TRAF3IP1: variants seen among roughly 807,000 people sequenced by gnomAD.
The protein encoded by TRAF3IP1 is TRAF3-interacting protein 1.
TRAF3IP1 carries 53 observed loss-of-function variants against 89.9 expected under a neutral mutation model. The observed-to-expected ratio is 0.59, with a 90% CI of 0.47 to 0.74. The LOEUF is 0.74. Ranked by LOEUF, TRAF3IP1 falls within the 30% of genes least tolerant of loss-of-function variation. The pLI is 0.00. For synonymous variants in TRAF3IP1, 311 were observed against 322.1 expected, an observed-to-expected ratio of 0.97 and a Z score of 0.37; for missense variants, 806 against 866.1, an observed-to-expected ratio of 0.93 and a Z score of 0.87.
Position 238,398,793 on chromosome 2 carries a change from C to G in TRAF3IP1, c.1950C>G (p.Leu650=). ...CCGTGGAGCCCTTAAAGGCTGAGCT[C>G]GCGGAGCTGGAGCAGCTGATCAAAG... ...DCAVEPLKAE[L]AELEQLIKDQ... The change falls in exon 17 of 17, where the codon CTC becomes CTG. Residue 650 remains leucine, a synonymous_variant. Coordinates refer to ENST00000373327, the MANE Select transcript of TRAF3IP1 (RefSeq NM_015650.4). 1 of 1,611,974 alleles carries G rather than the reference C, an allele frequency of 6.2e-7. No individual in the cohort carries two copies. Among genetic ancestry groups the G allele is most frequent in the Non-Finnish European group, 8.5e-7 (1 of 1,179,386 alleles).
intron 15 of TRAF3IP1, among the ~76,000 whole-genome samples, chr2:238,368,301 A>G (rs1699970586): frequency 6.6e-6 from 1 of 152,238 alleles, no homozygotes; most frequent in African/African-American, 2.4e-5. Flanking sequence ...TATAGGGGAT[A>G]TTTTAGAGTA....
chr2:238,378,924 G>A (rs866434632), intron 15 of TRAF3IP1, among the ~76,000 whole-genome samples: 1 of 152,178 alleles, frequency 6.6e-6, no homozygotes, highest in South Asian at 2.1e-4. Flanking sequence ...TTCTGCTCTT[G>A]CCTTCAGGGG....
At chr2:238,344,732 T>C in intron 9 of TRAF3IP1, 134 bp downstream of exon 9, 1 of 763,114 alleles carries the variant, frequency 1.3e-6, no homozygotes, top group Non-Finnish European at 2.3e-6. Flanking sequence ...TTCACAGTGA[T>C]TCACTTCTGC....
At chr2:238,325,464 C>G (rs1382804579) in intron 2 of TRAF3IP1, 90 bp downstream of exon 2, 8 of 1,315,018 alleles carry the variant, frequency 6.1e-6, no homozygotes, top group Non-Finnish European at 8.8e-6. Context: ...TGTCATTTCT[C>G]TGCTGCATGT....
chr2:238,320,923 A>G (rs1188287411), intron 1 of TRAF3IP1, 138 bp downstream of exon 1: 7 of 666,564 alleles, frequency 1.1e-5, no homozygotes, highest in South Asian at 7.1e-5. Flanking sequence ...GCTGGGCCGG[A>G]GTCGGGGCCC....
intron 12 of TRAF3IP1, among the ~76,000 whole-genome samples, chr2:238,350,425 T>G (rs1232924766): frequency 6.6e-6 from 1 of 152,216 alleles, no homozygotes; most frequent in South Asian, 2.1e-4. Context: ...TTTCTGGTAC[T>G]TATTTTTCTC....
intron 15 of TRAF3IP1, among the ~76,000 whole-genome samples, chr2:238,367,822 AG>A (rs1212435438): frequency 1.3e-5 from 2 of 152,212 alleles, no homozygotes; most frequent in African/African-American, 4.8e-5. Context: ...TTCTGACCAC[AG>A]GAGGGAGCAG....
chr2:238,378,655 A>G (rs1203742266), intron 15 of TRAF3IP1, among the ~76,000 whole-genome samples: 2 of 152,164 alleles, frequency 1.3e-5, no homozygotes, highest in Non-Finnish European at 2.9e-5. Flanking sequence ...TTTAGAATCA[A>G]GGTTATGTCC....
In TRAF3IP1 at chr2:238,344,820, T is replaced by G. The variant is rs940054708; in HGVS notation, c.1261+222T>G. On this transcript the variant is annotated intron_variant, in intron 9 of 16. Coordinates refer to ENST00000373327, the MANE Select transcript of TRAF3IP1 (RefSeq NM_015650.4). Reference sequence around the variant, plus strand: ...CACTCGTGTGCTCCCCCGTGCTCTGTAAGTGAGAGGAGGTGGCATGTTTCA... The same window carrying G: ...CACTCGTGTGCTCCCCCGTGCTCTGGAAGTGAGAGGAGGTGGCATGTTTCA... 6.1e-6 allele frequency: 4 copies of G among 651,254 alleles called. No homozygotes were observed. In the African/African-American group the frequency reaches 7.1e-5, roughly 12 times the overall value. The allele number at this position is 651,254 out of a possible 1,614,324, so 40.3% of individuals were successfully genotyped here. A position where few individuals can be genotyped will look rare whatever the true frequency, so the allele number is the denominator to read the frequency against.
In TRAF3IP1 at chr2:238,393,962, GC is replaced by G. The variant is rs1206562428; in HGVS notation, c.1690-3495del. Among the ~76,000 whole-genome samples the G allele has an allele frequency of 3.3e-5, 5 of 152,318 alleles. No homozygotes were observed. In the East Asian group the frequency reaches 9.6e-4, roughly 29 times the overall value. ...ACCTGTAATCCCAGCACTTTGGGAG[GC>G]CGAGATGGGAGGATCACCTTAGCTC... On this transcript the variant is annotated intron_variant, in intron 15 of 16. Transcript: ENST00000373327.
intron 1 of TRAF3IP1, among the ~76,000 whole-genome samples, chr2:238,324,002 G>A (rs183579343): frequency 2.1e-4 from 32 of 152,332 alleles, no homozygotes; most frequent in African/African-American, 7.5e-4. Flanking sequence ...GTAGTGACAC[G>A]TGGTGAGGAG....
In TRAF3IP1 at chr2:238,328,843, C is replaced by T. The variant is rs745972186; in HGVS notation, c.498+14C>T. ...AAAAATACAGAGGTGAATTCCAAGTCGCACATCTTTGAAAATGAAATAGTG... is the reference window on the plus strand; with the variant it reads ...AAAAATACAGAGGTGAATTCCAAGTTGCACATCTTTGAAAATGAAATAGTG... On this transcript the variant is annotated intron_variant, in intron 4 of 16. Transcript: ENST00000373327. 3.7e-6 allele frequency: 6 copies of T among 1,602,706 alleles called. No homozygotes were observed. Among genetic ancestry groups the T allele is most frequent in the East Asian group, 2.2e-5 (1 of 44,718 alleles).
At chr2:238,331,581 G>A (rs766657676) in intron 5 of TRAF3IP1, among the ~76,000 whole-genome samples, 22 of 152,192 alleles carry the variant, frequency 1.4e-4, no homozygotes, top group Non-Finnish European at 2.2e-4. Context: ...AGACCATGGC[G>A]AAGTGATTTT....
Position 238,338,412 on chromosome 2 carries a change from G to T in TRAF3IP1, c.1114G>T (p.Gly372Ter). The T allele has an allele frequency of 1.9e-6, 3 of 1,600,738 alleles. No homozygotes were observed. The highest frequency in any genetic ancestry group is 2.6e-6 in the Non-Finnish European group (3 of 1,174,940). The change falls in exon 8 of 17, where the codon GGA becomes TGA. Residue 372 changes from glycine to a stop codon, truncating the protein, a stop_gained. Coordinates refer to ENST00000373327, the MANE Select transcript of TRAF3IP1 (RefSeq NM_015650.4). LOFTEE classifies it high-confidence loss of function. ...TAAAAGTTTAGACTCCATAGTGTCT[G>T]GAATAAATAATGAGCCAAATCAGGA... ...SAKSLDSIVS[G>*]INNEPNQETT...
intron 15 of TRAF3IP1, among the ~76,000 whole-genome samples, chr2:238,365,048 A>T (rs752455894): frequency 4.6e-5 from 7 of 152,248 alleles, no homozygotes; most frequent in African/African-American, 1.7e-4. Context: ...CTTATCGTGA[A>T]CAAGTTATGT....
chr2:238,399,422 C>CT lies in TRAF3IP1; in HGVS notation c.*503_*504insT, dbSNP rs1701378016. On this transcript the variant is annotated 3_prime_UTR_variant, in exon 17 of 17. Coordinates refer to ENST00000373327, the MANE Select transcript of TRAF3IP1 (RefSeq NM_015650.4). ...GTTAATTTCCAATGGAAAGGGCTAA[C>CT]CTCAGCCTGTCTCCATATCAGGTAC... 2 of 152,708 alleles carry CT rather than the reference C, an allele frequency of 1.3e-5. No individual in the cohort carries two copies. Among genetic ancestry groups the CT allele is most frequent in the South Asian group, 4.1e-4 (2 of 4,838 alleles). The allele number at this position is 152,708 out of a possible 1,614,324, so 9.5% of individuals were successfully genotyped here.
chr2:238,353,029 A>C (rs991264709), intron 13 of TRAF3IP1, 79 bp downstream of exon 13: 2 of 1,534,736 alleles, frequency 1.3e-6, no homozygotes, highest in African/African-American at 2.8e-5. Flanking sequence ...TTTTAGATTT[A>C]TGTAGACAAA....
rs570824838 is a variant in TRAF3IP1, at chr2:238,345,842, G to A, written c.1261+1244G>A. Among the ~76,000 whole-genome samples, 10 of 152,244 alleles carry A rather than the reference G, an allele frequency of 6.6e-5. No individual in the cohort carries two copies. Among genetic ancestry groups the A allele is most frequent in the Admixed American group, 1.3e-4 (2 of 15,296 alleles). On this transcript the variant is annotated intron_variant, in intron 9 of 16. Coordinates refer to ENST00000373327, the MANE Select transcript of TRAF3IP1 (RefSeq NM_015650.4). This position sits in a 1 kb window ranked among gnomAD's most constrained non-coding sequence, Gnocchi z 4.7. Reference sequence around the variant, plus strand: ...GACGAGATTGTGAGTGCAGGAGCTGGCAGAGCACTGGCGCTGTGGAAGCAC... The same window carrying A: ...GACGAGATTGTGAGTGCAGGAGCTGACAGAGCACTGGCGCTGTGGAAGCAC...
intron 12 of TRAF3IP1, 37 bp downstream of exon 12, chr2:238,349,445 G>A (rs1392002275): frequency 1.2e-6 from 2 of 1,600,784 alleles, no homozygotes; most frequent in Admixed American, 3.4e-5. Context: ...CAGCCACACA[G>A]TGTGTTCTCC....
Sources: gnomAD v4.1 joint callset for allele counts (sites outside exome capture counted in the v4.1 genomes callset) on GRCh38, gnomAD v4.1.1 for gene constraint, Gnocchi (gnomAD v3.1) non-coding constraint, MANE v1.5 for transcripts, NCBI Gene and HGNC (gene_info 2026-07-23, HGNC 2026-07-21) for gene names.